The following ENKUR variants were observed in gnomAD, a reference collection of about 807,000 sequenced individuals.
The protein encoded by ENKUR is enkurin, TRPC channel interacting protein, also known as enkurin.
Under a neutral mutation model 27.6 loss-of-function variants are expected in ENKUR, and 19 were observed. The ratio of observed to expected loss-of-function variants is 0.69; its 90% confidence interval spans 0.48 to 1.01. The LOEUF (loss-of-function observed/expected upper bound fraction) is 1.01. Among genes scored for constraint, ENKUR ranks in the 50% least tolerant of loss-of-function variants. The pLI is 0.00. For synonymous variants in ENKUR, 117 were observed against 96.9 expected, an observed-to-expected ratio of 1.21 and a Z score of -1.22; for missense variants, 312 against 310.5, an observed-to-expected ratio of 1.00 and a Z score of -0.04.
intron 2 of ENKUR, chr10:25,061,058 A>C (rs746792351): frequency 6.6e-7 from 1 of 1,511,782 alleles, no homozygotes; most frequent in African/African-American, 1.4e-5. Context: ...AAGGCCCCCT[A>C]TTAGGCTGGC....
At chr10:25,024,545 A>G (rs113188454) in intron 2 of ENKUR, 1 of 1,614,232 alleles carries the variant, frequency 6.2e-7, no homozygotes, top group Non-Finnish European at 8.5e-7. Context: ...GATTTTTGCC[A>G]GACAGCTATA....
intron 1 of ENKUR, among the ~76,000 whole-genome samples, chr10:25,009,143 T>A (rs1850381686): frequency 6.6e-6 from 1 of 152,050 alleles, no homozygotes; most frequent in African/African-American, 2.4e-5. Flanking sequence ...CATTAGGAGA[T>A]ATACCTAACG....
chr10:25,043,989 A>G (rs1851093801), intron 2 of ENKUR, among the ~76,000 whole-genome samples: 1 of 151,072 alleles, frequency 6.6e-6, no homozygotes, highest in Admixed American at 6.6e-5. Flanking sequence ...CCATTTCCCT[A>G]TAGATTTAAA....
upstream of ENKUR, among the ~76,000 whole-genome samples, chr10:25,018,975 G>A (rs1202202945): frequency 6.6e-6 from 1 of 152,190 alleles, no homozygotes; most frequent in Non-Finnish European, 1.5e-5. Context: ...AACTATACTG[G>A]ATTGTGTGGT....
chr10:25,014,581 A>G (rs1458734561), intron 1 of ENKUR, among the ~76,000 whole-genome samples: 1 of 152,186 alleles, frequency 6.6e-6, no homozygotes, highest in Non-Finnish European at 1.5e-5. Flanking sequence ...CAGAATACCT[A>G]CCTAATAAAA....
chr10:24,999,707 T>A (rs904265891), intron 1 of ENKUR, among the ~76,000 whole-genome samples, 161 bp from the exon 2 acceptor site: 1 of 152,194 alleles, frequency 6.6e-6, no homozygotes, highest in Non-Finnish European at 1.5e-5. Flanking sequence ...TCCATCAGAC[T>A]TAGATAAACT....
intron 1 of ENKUR, among the ~76,000 whole-genome samples, chr10:25,013,554 G>C (rs574428019): frequency 5.3e-4 from 81 of 152,204 alleles, no homozygotes; most frequent in Non-Finnish European, 8.8e-4. Flanking sequence ...AGGAGATAAT[G>C]GTTTCATGGA....
chr10:25,039,953 AAAG>A (rs1270990852), intron 2 of ENKUR, among the ~76,000 whole-genome samples: 14 of 151,252 alleles, frequency 9.3e-5, no homozygotes, highest in African/African-American at 3.4e-4. Context: ...AAAAAAAAAA[AAAG>A]TAGCTTCACT....
intron 2 of ENKUR, chr10:25,061,071 C>A: frequency 1.3e-6 from 2 of 1,532,252 alleles, no homozygotes; most frequent in Non-Finnish European, 1.7e-6. Context: ...AGGCTGGCTG[C>A]CCAGATGCAA....
intron 1 of ENKUR, among the ~76,000 whole-genome samples, chr10:25,011,992 G>C (rs112018861): frequency 7.2e-5 from 11 of 152,346 alleles, no homozygotes; most frequent in African/African-American, 2.6e-4. Flanking sequence ...TGGGCCCAGG[G>C]CCTTGCTGCT....
At chr10:24,998,711 T>A (rs1437332993) in intron 2 of ENKUR, among the ~76,000 whole-genome samples, 3 of 152,118 alleles carry the variant, frequency 2.0e-5, no homozygotes, top group African/African-American at 4.8e-5. Flanking sequence ...CTTTCCCTGA[T>A]AGCTTTCTTT....
At chr10:25,036,678 AC>A (rs1851012124) in intron 2 of ENKUR, among the ~76,000 whole-genome samples, 1 of 152,082 alleles carries the variant, frequency 6.6e-6, no homozygotes, top group Non-Finnish European at 1.5e-5. Context: ...AACCAAACTT[AC>A]CCTCTTTGAA....
intron 1 of ENKUR, among the ~76,000 whole-genome samples, chr10:25,005,124 G>T (rs1304916549): frequency 6.6e-6 from 1 of 152,100 alleles, no homozygotes; most frequent in Non-Finnish European, 1.5e-5. Flanking sequence ...CTCTGTGTCT[G>T]TTCTTGTACC....
At chr10:25,031,441 G>A (rs1363950861) in intron 2 of ENKUR, among the ~76,000 whole-genome samples, 1 of 152,176 alleles carries the variant, frequency 6.6e-6, no homozygotes, top group African/African-American at 2.4e-5. Flanking sequence ...CCCTGGCCAA[G>A]TTACCAGGTG....
chr10:24,984,087 A>G lies in ENKUR; in HGVS notation c.*283T>C. The G allele has an allele frequency of 2.8e-6, 1 of 358,330 alleles. No individual in the cohort carries two copies. Among genetic ancestry groups the G allele is most frequent in the Non-Finnish European group, 5.0e-6 (1 of 199,912 alleles). The allele number at this position is 358,330 out of a possible 1,614,324, so 22.2% of individuals were successfully genotyped here. ...AGAAAGGAGGCTATTCTCCTTAATC[A>G]TCCTCAATGATGCCTTTATAAGTTG... On this transcript the variant is annotated 3_prime_UTR_variant, in exon 6 of 6. Coordinates refer to ENST00000331161, the MANE Select transcript of ENKUR (RefSeq NM_145010.4).
intron 2 of ENKUR, among the ~76,000 whole-genome samples, chr10:25,049,727 G>A (rs1422919670): frequency 1.4e-5 from 2 of 145,560 alleles, no homozygotes; most frequent in African/African-American, 5.3e-5. Flanking sequence ...AGCGGATGTT[G>A]CAGTGAGTCG....
At chr10:25,003,153 G>A (rs1850227926) in intron 1 of ENKUR, among the ~76,000 whole-genome samples, 1 of 151,472 alleles carries the variant, frequency 6.6e-6, no homozygotes, top group Non-Finnish European at 1.5e-5. Context: ...CAATTTCAGT[G>A]TTTCTTTAAT....
intron 3 of ENKUR, among the ~76,000 whole-genome samples, chr10:24,994,289 CTTCAT>C (rs997828922): frequency 2.0e-5 from 3 of 146,664 alleles, no homozygotes; most frequent in African/African-American, 7.6e-5. Context: ...CCCTCCCTTC[CTTCAT>C]TTCTTCTTGA....
At chr10:25,017,068 G>A (rs188669257), upstream of ENKUR, among the ~76,000 whole-genome samples, 1 of 152,138 alleles carries the variant, frequency 6.6e-6, no homozygotes. Context: ...CCTCCGGGTC[G>A]GCTCTGCGCC....
Sources: allele counts gnomAD v4.1 joint callset (sites outside exome capture counted in the v4.1 genomes callset), GRCh38; gene constraint gnomAD v4.1.1; transcripts MANE v1.5; gene names NCBI Gene and HGNC (gene_info 2026-07-23, HGNC 2026-07-21).